Variants in MTHFSD observed in about 807,000 individuals in gnomAD.
MTHFSD encodes the protein methenyltetrahydrofolate synthetase domain containing, also known as methenyltetrahydrofolate synthase domain-containing protein.
Under a neutral mutation model 31.1 loss-of-function variants are expected in MTHFSD, and 37 were observed. That is an observed-to-expected ratio of 1.19 (90% CI 0.91 to 1.56). MTHFSD has a LOEUF of 1.56. Among genes scored for constraint, MTHFSD ranks in the 40% most tolerant of loss-of-function variants. The probability of loss-of-function intolerance (pLI) is 0.00; values close to 1 mark genes in which losing one functional copy is unlikely to be tolerated. For synonymous variants in MTHFSD, 221 were observed against 206.9 expected (o/e 1.07, Z -0.59); for missense variants, 664 against 510.1 (o/e 1.30, Z -2.91).
intron 4 of MTHFSD, chr16:86,547,039 A>T: frequency 1.9e-6 from 1 of 528,390 alleles, no homozygotes; most frequent in Non-Finnish European, 2.5e-6. Flanking sequence ...TCTGAGCCTC[A>T]GTTTCTTCAG....
intron 2 of MTHFSD, chr16:86,553,229 G>C (rs1393952785): frequency 6.6e-6 from 1 of 152,236 alleles, no homozygotes; most frequent in Non-Finnish European, 1.5e-5. Flanking sequence ...ATTTTACTTT[G>C]TATCAAACAG....
chr16:86,540,883 G>A, intron 7 of MTHFSD: 1 of 1,119,914 alleles, frequency 8.9e-7, no homozygotes, highest in Non-Finnish European at 1.1e-6. Context: ...AGCAGTGCCT[G>A]CCCAGGACAC....
Position 86,548,928 on chromosome 16 carries a change from C to T in MTHFSD, c.238-351G>A, listed in dbSNP as rs184257420. Among the ~76,000 whole-genome samples the T allele has an allele frequency of 2.2e-3, 342 of 152,304 alleles. 3 individuals are homozygous for T. The highest frequency in any genetic ancestry group is 3.7e-3 in the South Asian group (18 of 4,824). On this transcript the variant is annotated intron_variant, in intron 3 of 7. Coordinates refer to ENST00000360900, the MANE Select transcript of MTHFSD (RefSeq NM_001159377.2). ...ATCCCAACCTCAACTTTCCTGTGCC[C>T]CCTCTGCTCTCAGCACCAAGTGCGA...
chr16:86,545,605 C>A (rs530127715), intron 5 of MTHFSD, among the ~76,000 whole-genome samples: 5 of 152,236 alleles, frequency 3.3e-5, no homozygotes, highest in African/African-American at 9.6e-5. Context: ...CATGCAGGAG[C>A]CAGCCCTGAG....
intron 4 of MTHFSD, chr16:86,547,220 A>C: frequency 2.0e-6 from 2 of 986,118 alleles, no homozygotes; most frequent in Non-Finnish European, 2.4e-6. Flanking sequence ...CGCTTCTAAA[A>C]AATTATCCCT....
At chr16:86,544,825 G>A (rs1972045541) in intron 5 of MTHFSD, among the ~76,000 whole-genome samples, 3 of 152,218 alleles carry the variant, frequency 2.0e-5, no homozygotes, top group Non-Finnish European at 4.4e-5. Context: ...ATCAACGATA[G>A]GCTGGATAAA....
intron 2 of MTHFSD, among the ~76,000 whole-genome samples, chr16:86,554,085 C>T (rs960785044): frequency 6.6e-6 from 1 of 152,140 alleles, no homozygotes; most frequent in African/African-American, 2.4e-5. Context: ...AGATTAAAAG[C>T]AGGCTGCCTG....
intron 7 of MTHFSD, among the ~76,000 whole-genome samples, chr16:86,538,546 A>G (rs1466756884): frequency 3.3e-5 from 5 of 152,210 alleles, no homozygotes; most frequent in African/African-American, 1.2e-4. Flanking sequence ...GGGCTGCTCG[A>G]CACTAGCGGG....
chr16:86,540,270 A>G (rs1971306637), intron 7 of MTHFSD, among the ~76,000 whole-genome samples: 1 of 152,208 alleles, frequency 6.6e-6, no homozygotes, highest in South Asian at 2.1e-4. Flanking sequence ...CCTCATAAAC[A>G]GTGACTTTCC....
At position 86,541,696 on chromosome 16, in the gene MTHFSD, C is replaced by G. The variant is rs751066180; in HGVS notation, c.681+1G>C. ...CAGAGCTGGCCACTGCCGTGACCCA[C>G]CTTGAACCAGGTGATTCCCATTGGC... On this transcript the variant is annotated splice_donor_variant, in intron 7 of 7. Transcript: ENST00000360900. LOFTEE classifies it high-confidence loss of function. 6.8e-6 allele frequency: 11 copies of G among 1,612,858 alleles called. No homozygotes were observed. The highest frequency in any genetic ancestry group is 9.3e-6 in the Non-Finnish European group (11 of 1,179,512).
At position 86,546,484 on chromosome 16, in the gene MTHFSD, A is replaced by C. The variant is rs1157229168; in HGVS notation, c.442+75T>G. On this transcript the variant is annotated intron_variant, in intron 5 of 7. Transcript: ENST00000360900. The stretch of plus-strand genomic sequence containing the variant: ...AGCAGACACCACTGGCGACTTTTGA[A>C]AGACAAACAGCCTGGCACGCAGCCG... 5 of 1,352,880 alleles carry C rather than the reference A, an allele frequency of 3.7e-6. No individual in the cohort carries two copies. In the East Asian group the frequency reaches 1.1e-4, roughly 31 times the overall value. 83.8% of individuals were successfully genotyped at this position (1,352,880 alleles called of 1,614,324 possible).
chr16:86,555,175 T>C lies in MTHFSD; in HGVS notation c.10A>G (p.Arg4Gly). MEP[R>G]AVGVSKQDIR... is the part of the protein sequence containing the mutation. ...GCCCCGCCAGGCCCCCCACCTGCCC[T>C]CGGCTCCATGGTGATGCAGTCGCTG... Residue 4 changes from arginine (R) to glycine (G), a missense_variant, in exon 1 of 8, where the codon AGG (arginine) becomes GGG (glycine). Physicochemically the swap from Arg to Gly is moderately radical, Grantham distance 125 (BLOSUM62 -2). Coordinates refer to ENST00000360900, the MANE Select transcript of MTHFSD (RefSeq NM_001159377.2). 1 of 1,536,366 alleles carries C rather than the reference T, an allele frequency of 6.5e-7. No individual in the cohort carries two copies. Among genetic ancestry groups the C allele is most frequent in the Non-Finnish European group, 8.7e-7 (1 of 1,146,316 alleles).
Position 86,542,005 on chromosome 16 carries a change from C to G in MTHFSD, c.555+96G>C. ...TGGCTGATCCACACCACTCGCCACA[C>G]AGCATGGTTCAGAAGCAGATGAGTC... On this transcript the variant is annotated intron_variant, in intron 6 of 7. Coordinates refer to ENST00000360900, the MANE Select transcript of MTHFSD (RefSeq NM_001159377.2). This position sits in a 1 kb window ranked among gnomAD's most constrained non-coding sequence, Gnocchi z 4.6. The G allele has an allele frequency of 7.4e-7, 1 of 1,355,862 alleles. No individual in the cohort carries two copies. The highest frequency in any genetic ancestry group is 1.0e-6 in the Non-Finnish European group (1 of 971,712). The allele number at this position is 1,355,862 out of a possible 1,614,324, so 84.0% of individuals were successfully genotyped here.
chr16:86,545,938 TG>T (rs1374859818), intron 5 of MTHFSD, among the ~76,000 whole-genome samples: 1 of 152,182 alleles, frequency 6.6e-6, no homozygotes, highest in East Asian at 1.9e-4. Context: ...CAGTGGTGGC[TG>T]GGAAAAGAGG....
At position 86,541,724 on chromosome 16, in the gene MTHFSD, T is replaced by A. The variant is rs1202545446; in HGVS notation, c.654A>T (p.Pro218=). 7.4e-6 allele frequency: 12 copies of A among 1,613,884 alleles called. No homozygotes were observed. Among genetic ancestry groups the A allele is most frequent in the Non-Finnish European group, 9.3e-6 (11 of 1,179,936 alleles). The change falls in exon 7 of 8, where the codon CCA becomes CCT. Residue 218 remains proline, a synonymous_variant. Transcript: ENST00000360900. ...TRVIATGCKR[P]KPMGITWFKI... ...TGAACCAGGTGATTCCCATTGGCTTTGGGCGCTTGCAGCCTGTGGCGATGA... is the reference window on the plus strand; with the variant it reads ...TGAACCAGGTGATTCCCATTGGCTTAGGGCGCTTGCAGCCTGTGGCGATGA...
At chr16:86,547,954 G>T in intron 4 of MTHFSD, 1 of 1,032,676 alleles carries the variant, frequency 9.7e-7, no homozygotes, top group Non-Finnish European at 1.3e-6. Context: ...GCACCCTAAA[G>T]TCATATTTGT....
chr16:86,554,162 C>T (rs1973671559), intron 2 of MTHFSD, among the ~76,000 whole-genome samples: 1 of 152,130 alleles, frequency 6.6e-6, no homozygotes, highest in Non-Finnish European at 1.5e-5. Flanking sequence ...TGCAATAAAT[C>T]TTGCTGCTGC....
intron 3 of MTHFSD, among the ~76,000 whole-genome samples, chr16:86,550,277 T>C (rs1309726998): frequency 6.6e-6 from 1 of 152,252 alleles, no homozygotes; most frequent in East Asian, 1.9e-4. Context: ...CACTACATCC[T>C]ATGCCCAGCA....
At chr16:86,551,833 G>T in intron 3 of MTHFSD, 200 bp downstream of exon 3, 1 of 957,504 alleles carries the variant, frequency 1.0e-6, no homozygotes, top group Non-Finnish European at 1.5e-6. Context: ...CGGGACTCCT[G>T]ATTGACTGAA....
Sources: allele counts gnomAD v4.1 joint callset (sites outside exome capture counted in the v4.1 genomes callset), GRCh38; gene constraint gnomAD v4.1.1; non-coding constraint Gnocchi (gnomAD v3.1); transcripts MANE v1.5; gene names NCBI Gene and HGNC (gene_info 2026-07-23, HGNC 2026-07-21).